HIVEP1: variants seen among roughly 807,000 people sequenced by gnomAD.
The protein encoded by HIVEP1 is zinc finger protein 40.
Under a neutral mutation model 180.0 loss-of-function variants are expected in HIVEP1, and 36 were observed. The ratio of observed to expected loss-of-function variants is 0.20; its 90% CI spans 0.15 to 0.26. HIVEP1 has a LOEUF of 0.26. HIVEP1 is among the 10% of genes least tolerant of loss of function. The pLI is 1.00. For missense variants in HIVEP1, 3,143 were observed against 3,268.7 expected (o/e 0.96, Z 0.94); for synonymous variants, 1,239 against 1,239.0 (o/e 1.00, Z 0.00).
At chr6:12,031,049 T>G (rs1364383494) in intron 2 of HIVEP1, among the ~76,000 whole-genome samples, 1 of 152,192 alleles carries the variant, frequency 6.6e-6, no homozygotes, top group Non-Finnish European at 1.5e-5. Flanking sequence ...TGTTTTCTTA[T>G]GTTTTACTTT....
At chr6:12,208,888 TCTGA>T in the HIVEP1 span, among the ~76,000 whole-genome samples, 36,005 of 151,996 alleles carry the variant, frequency 0.24, 4,253 homozygotes, top group African/African-American at 0.26. Flanking sequence ...TGAAGCCCTA[TCTGA>T]CTAATACAGT....
At chr6:12,065,859 C>T (rs1394374078) in intron 2 of HIVEP1, among the ~76,000 whole-genome samples, 1 of 152,074 alleles carries the variant, frequency 6.6e-6, no homozygotes. Flanking sequence ...GATTAGAAAG[C>T]TATTTTTGGT....
chr6:12,157,607 C>A (rs535481329), intron 7 of HIVEP1, among the ~76,000 whole-genome samples: 33 of 152,184 alleles, frequency 2.2e-4, no homozygotes, highest in Admixed American at 3.9e-4. Context: ...TTTACATTTA[C>A]ATCTACTGTG....
intron 3 of HIVEP1, among the ~76,000 whole-genome samples, chr6:12,094,489 T>C (rs1043770992): frequency 1.2e-4 from 18 of 152,122 alleles, no homozygotes; most frequent in Admixed American, 5.9e-4. Context: ...CTTAAAGGTG[T>C]TATCTTCTAT....
intron 3 of HIVEP1, among the ~76,000 whole-genome samples, chr6:12,114,200 TG>T (rs1303171826): frequency 1.3e-5 from 2 of 152,204 alleles, no homozygotes; most frequent in African/African-American, 4.8e-5. Context: ...CACTCCTTAC[TG>T]GTATATGATA....
At chr6:12,016,482 G>A (rs554642060) in intron 2 of HIVEP1, among the ~76,000 whole-genome samples, 40 of 152,178 alleles carry the variant, frequency 2.6e-4, no homozygotes, top group South Asian at 8.3e-4. Context: ...ATTCTGAAGC[G>A]TATGTAGGGG....
intron 2 of HIVEP1, 79 bp downstream of exon 2, chr6:12,015,747 G>A (rs778042173): frequency 2.3e-6 from 3 of 1,326,626 alleles, no homozygotes; most frequent in East Asian, 2.3e-5. Context: ...AGGAATGGCC[G>A]TTTGTTAGAT....
intron 3 of HIVEP1, among the ~76,000 whole-genome samples, chr6:12,102,607 A>G (rs897199464): frequency 3.3e-5 from 5 of 152,230 alleles, no homozygotes; most frequent in Admixed American, 6.5e-5. Context: ...GAATTCCTCT[A>G]CATGAGGAAA....
At chr6:12,074,578 G>C (rs923160299) in intron 2 of HIVEP1, among the ~76,000 whole-genome samples, 2 of 151,498 alleles carry the variant, frequency 1.3e-5, no homozygotes, top group Non-Finnish European at 2.9e-5. Flanking sequence ...CATGGATTTA[G>C]GGGTCTCCAT....
At chr6:12,096,466 T>C (rs1318012943) in intron 3 of HIVEP1, among the ~76,000 whole-genome samples, 2 of 151,888 alleles carry the variant, frequency 1.3e-5, no homozygotes, top group Admixed American at 1.3e-4. Flanking sequence ...GATCATGAAC[T>C]CTAATTGGTG....
At chr6:12,057,854 G>T (rs1770976511) in intron 2 of HIVEP1, among the ~76,000 whole-genome samples, 1 of 152,204 alleles carries the variant, frequency 6.6e-6, no homozygotes, top group Admixed American at 6.5e-5. Context: ...TACAGTAACT[G>T]TAAAATGTGA....
chr6:12,202,674 TC>T, the HIVEP1 span, among the ~76,000 whole-genome samples: 1 of 152,178 alleles, frequency 6.6e-6, no homozygotes, highest in Non-Finnish European at 1.5e-5. Flanking sequence ...TTGGTACATA[TC>T]CCAAGAATGC....
In HIVEP1 at chr6:12,122,187, C is replaced by T; in HGVS notation, c.2392C>T (p.Pro798Ser). 6.2e-7 allele frequency: 1 copy of T among 1,614,188 alleles called. No individual in the cohort carries two copies. The highest frequency in any genetic ancestry group is 8.5e-7 in the Non-Finnish European group (1 of 1,180,020). ...AGATTCTTTCCAGTTTGATTTAAAA[C>T]CAGTGGGACGGAGAACAAGTTCAAG... Reference protein sequence around the residue: ...FKDSFQFDLKPVGRRTSSSSD... With the variant: ...FKDSFQFDLKSVGRRTSSSSD... The change falls in exon 4 of 9, where the codon CCA becomes TCA. Residue 798 changes from proline to serine, a missense_variant. Physicochemically the swap from Pro to Ser is moderately conservative, Grantham distance 74. This residue lies in a region of HIVEP1 where 204 missense variants were observed against 243.7 expected (regional missense o/e 0.84). Transcript: ENST00000379388.
intron 5 of HIVEP1, among the ~76,000 whole-genome samples, chr6:12,130,556 A>T (rs1758362662): frequency 6.6e-6 from 1 of 152,174 alleles, no homozygotes; most frequent in Admixed American, 6.5e-5. Context: ...ACAAAACAAA[A>T]TATAATATTG....
At chr6:12,037,776 C>T in intron 2 of HIVEP1, 1 of 455,416 alleles carries the variant, frequency 2.2e-6, no homozygotes. Context: ...TTGTAGCTCA[C>T]TGCAACCCCA....
At chr6:12,106,188 G>A (rs1169556861) in intron 3 of HIVEP1, among the ~76,000 whole-genome samples, 4 of 151,712 alleles carry the variant, frequency 2.6e-5, no homozygotes, top group African/African-American at 9.7e-5. Context: ...TTTCCATGAA[G>A]CTGTCTTTAC....
Position 12,123,999 on chromosome 6 carries a change from A to C in HIVEP1, c.4204A>C (p.Thr1402Pro). The C allele has an allele frequency of 1.2e-6, 2 of 1,614,112 alleles. No homozygotes were observed. The highest frequency in any genetic ancestry group is 2.2e-5 in the East Asian group (1 of 44,886). ...SITPPQTTPL[T>P]ELQPPSSPSR... is the part of the protein sequence containing the mutation. ...CACCCCACCCCAGACAACACCACTT[A>C]CTGAATTGCAGCCTCCATCTTCACC... Residue 1402 changes from threonine (T) to proline (P), a missense_variant, in exon 4 of 9, where the codon ACT becomes CCT. Physicochemically the swap from Thr to Pro is conservative, Grantham distance 38 (BLOSUM62 -1). Around this residue, in one of 12 missense-constraint regions of HIVEP1, gnomAD observed 1,357 missense variants for 1,260.5 expected, o/e 1.08. Transcript: ENST00000379388.
At chr6:12,129,563 T>C (rs1758295000) in intron 4 of HIVEP1, 196 bp from the exon 5 acceptor site, 3 of 674,722 alleles carry the variant, frequency 4.4e-6, no homozygotes, top group Admixed American at 2.0e-5. Flanking sequence ...TAACATAAGA[T>C]TTATCAGTTT....
intron 2 of HIVEP1, among the ~76,000 whole-genome samples, chr6:12,069,276 A>G (rs1414651849): frequency 6.6e-6 from 1 of 152,190 alleles, no homozygotes; most frequent in Non-Finnish European, 1.5e-5. Flanking sequence ...TCTAAACAGA[A>G]AAGGTATAGT....
Sources: allele counts gnomAD v4.1 joint callset (sites outside exome capture counted in the v4.1 genomes callset), GRCh38; gene constraint gnomAD v4.1.1; regional missense constraint gnomAD v4.1.1; transcripts MANE v1.5; gene names NCBI Gene and HGNC (gene_info 2026-07-23, HGNC 2026-07-21).